Variants in LEPR observed in about 807,000 individuals in gnomAD.
LEPR encodes the protein OB receptor.
Under a neutral mutation model 114.7 loss-of-function variants are expected in LEPR, and 56 were observed. The ratio of observed to expected loss-of-function variants is 0.49; its 90% CI spans 0.39 to 0.61. The LOEUF is 0.61. Ranked by LOEUF, LEPR falls within the 20% of genes least tolerant of loss-of-function variation. The probability of loss-of-function intolerance (pLI) is 0.00; values close to 1 mark genes in which losing one functional copy is unlikely to be tolerated. For missense variants in LEPR, 1,202 were observed against 1,352.9 expected, an observed-to-expected ratio of 0.89 and a Z score of 1.75; for synonymous variants, 443 against 461.4, an observed-to-expected ratio of 0.96 and a Z score of 0.51.
intron 14 of LEPR, among the ~76,000 whole-genome samples, chr1:65,613,888 C>A (rs1657365656): frequency 6.7e-6 from 1 of 148,722 alleles, no homozygotes; most frequent in Admixed American, 6.7e-5. Context: ...CAAATTAAAA[C>A]AAGATACCAC....
rs113657769 is a variant in LEPR, at chr1:65,609,640, G to A, written c.1753-307G>A. 1.4e-4 allele frequency among the ~76,000 whole-genome samples: 21 copies of A among 152,322 alleles called. 4 individuals are homozygous for A. Among genetic ancestry groups the A allele is most frequent in the African/African-American group, 5.1e-4 (21 of 41,564 alleles). On this transcript the variant is annotated intron_variant, in intron 12 of 19. Coordinates refer to ENST00000349533, the MANE Select transcript of LEPR (RefSeq NM_002303.6). The stretch of plus-strand genomic sequence containing the variant: ...TTTTAAATTCTTAAAACATCTTTGT[G>A]GGTAGAGGATTAGTGGACAGGGATT...
intron 2 of LEPR, 87 bp from the exon 3 acceptor site, chr1:65,565,459 C>T: frequency 7.9e-6 from 10 of 1,273,872 alleles, no homozygotes; most frequent in South Asian, 1.3e-5. Context: ...ATCTATAATC[C>T]CTTTCCTTTT....
chr1:65,437,437 A>G (rs573151950), intron 2 of LEPR, among the ~76,000 whole-genome samples: 1 of 152,200 alleles, frequency 6.6e-6, no homozygotes, highest in South Asian at 2.1e-4. Context: ...TTTTTCAGAC[A>G]TAAAAAGGAA....
intron 14 of LEPR, among the ~76,000 whole-genome samples, chr1:65,614,581 T>G (rs1316526611): frequency 1.3e-5 from 2 of 152,168 alleles, no homozygotes; most frequent in South Asian, 2.1e-4. Flanking sequence ...CTGCTCTACA[T>G]GTACTCTGGA....
chr1:65,467,594 T>A (rs948569193), intron 2 of LEPR, among the ~76,000 whole-genome samples: 5 of 152,232 alleles, frequency 3.3e-5, no homozygotes, highest in African/African-American at 1.2e-4. Context: ...CGTTTAAGTC[T>A]GCAGAAGCCG....
chr1:65,639,161 G>C lies in LEPR; in HGVS notation c.*2146G>C, dbSNP rs1218053743. 6.6e-6 allele frequency: 1 copy of C among 152,172 alleles called. No individual in the cohort carries two copies. The highest frequency in any genetic ancestry group is 2.4e-5 in the African/African-American group (1 of 41,422). 9.4% of individuals were successfully genotyped at this position (152,172 alleles called of 1,614,324 possible). A position where few individuals can be genotyped will look rare whatever the true frequency, so the allele number is the denominator to read the frequency against. On this transcript the variant is annotated 3_prime_UTR_variant, in exon 20 of 20. Coordinates refer to ENST00000349533, the MANE Select transcript of LEPR (RefSeq NM_002303.6). Reference sequence around the variant, plus strand: ...CCAAGGATGTATGTATCTTACTTGAGTGAATTCAACAGTCCCAGGACCACT... The same window carrying C: ...CCAAGGATGTATGTATCTTACTTGACTGAATTCAACAGTCCCAGGACCACT...
chr1:65,612,186 T>C (rs1312170198), intron 14 of LEPR, among the ~76,000 whole-genome samples: 1 of 152,212 alleles, frequency 6.6e-6, no homozygotes, highest in Non-Finnish European at 1.5e-5. Context: ...TTAAAAAATA[T>C]CATTTCTCTG....
At chr1:65,461,685 C>T (rs1271745555) in intron 2 of LEPR, among the ~76,000 whole-genome samples, 1 of 152,202 alleles carries the variant, frequency 6.6e-6, no homozygotes, top group Non-Finnish European at 1.5e-5. Context: ...CATAATTCCA[C>T]ATTCAAGTGT....
intron 2 of LEPR, among the ~76,000 whole-genome samples, chr1:65,550,724 T>C (rs78253993): frequency 1.3e-5 from 2 of 152,184 alleles, no homozygotes; most frequent in Non-Finnish European, 2.9e-5. Context: ...GTCTGTCACC[T>C]CTTTCCTTGA....
At chr1:65,624,209 G>A (rs963263128) in intron 19 of LEPR, among the ~76,000 whole-genome samples, 4 of 152,066 alleles carry the variant, frequency 2.6e-5, no homozygotes, top group Non-Finnish European at 5.9e-5. Flanking sequence ...ACCTTATTAG[G>A]TTGTTTGCGG....
intron 2 of LEPR, among the ~76,000 whole-genome samples, chr1:65,454,686 C>A (rs1413764071): frequency 2.0e-5 from 3 of 152,116 alleles, no homozygotes; most frequent in Non-Finnish European, 4.4e-5. Flanking sequence ...TTGTGGGTAA[C>A]CCAACCTTTC....
intron 14 of LEPR, among the ~76,000 whole-genome samples, chr1:65,615,378 G>A (rs966921363): frequency 2.0e-5 from 3 of 152,136 alleles, no homozygotes; most frequent in South Asian, 2.1e-4. Flanking sequence ...TTTACATTCG[G>A]ATCTTTAATG....
chr1:65,619,884 A>G (rs1275633181), intron 16 of LEPR, 44 bp from the exon 17 acceptor site: 6 of 1,425,986 alleles, frequency 4.2e-6, no homozygotes, highest in Admixed American at 1.7e-5. Flanking sequence ...ACTCATTACT[A>G]TTAATTTTGT....
chr1:65,445,267 G>A (rs1646699760), intron 2 of LEPR, among the ~76,000 whole-genome samples: 1 of 152,188 alleles, frequency 6.6e-6, no homozygotes, highest in South Asian at 2.1e-4. Context: ...GCTCCTGGCT[G>A]TGTTCAATGT....
At chr1:65,598,941 T>C in intron 8 of LEPR, 137 bp downstream of exon 8, 1 of 1,284,766 alleles carries the variant, frequency 7.8e-7, no homozygotes. Context: ...GTTTAAACTT[T>C]GAACAGGCCA....
In LEPR at chr1:65,638,005, C is replaced by G. The variant is rs1430061515; in HGVS notation, c.*990C>G. 1 of 152,098 alleles carries G rather than the reference C, an allele frequency of 6.6e-6. No individual in the cohort carries two copies. Among genetic ancestry groups the G allele is most frequent in the Admixed American group, 6.5e-5 (1 of 15,270 alleles). 9.4% of individuals were successfully genotyped at this position (152,098 alleles called of 1,614,324 possible). A position where few individuals can be genotyped will look rare whatever the true frequency, so the allele number is the denominator to read the frequency against. ...TTAATGCTAATGATTATGTTTTTAA[C>G]CTATACCCTACATAGCCATCAATTT... is the stretch of plus-strand genomic sequence containing the variant. On this transcript the variant is annotated 3_prime_UTR_variant, in exon 20 of 20. Transcript: ENST00000349533.
intron 2 of LEPR, among the ~76,000 whole-genome samples, chr1:65,425,988 G>C (rs771598285): frequency 6.6e-6 from 1 of 152,188 alleles, no homozygotes; most frequent in African/African-American, 2.4e-5. Context: ...CAAAGGTCCT[G>C]CTCTCTCAGA....
chr1:65,468,202 C>T (rs1647039062), intron 2 of LEPR, among the ~76,000 whole-genome samples: 1 of 152,144 alleles, frequency 6.6e-6, no homozygotes, highest in African/African-American at 2.4e-5. Context: ...ACTCTTACAG[C>T]CAAGAGGAGA....
intron 2 of LEPR, among the ~76,000 whole-genome samples, chr1:65,450,103 T>A (rs570367320): frequency 6.6e-6 from 1 of 152,222 alleles, no homozygotes; most frequent in African/African-American, 2.4e-5. Flanking sequence ...TTAATTCTAT[T>A]GTGGTTTGAG....
Sources: gnomAD v4.1 joint callset for allele counts (sites outside exome capture counted in the v4.1 genomes callset) on GRCh38, gnomAD v4.1.1 for gene constraint, MANE v1.5 for transcripts, NCBI Gene and HGNC (gene_info 2026-07-23, HGNC 2026-07-21) for gene names.